Variants in KCNC2 observed in about 807,000 individuals in gnomAD.
KCNC2 encodes the protein potassium voltage-gated channel subfamily C member 2.
A neutral mutation model predicts 44.5 loss-of-function variants in KCNC2; 21 were observed. The ratio of observed to expected loss-of-function variants is 0.47; its 90% CI spans 0.33 to 0.68. KCNC2 has a LOEUF of 0.68. KCNC2 is among the 30% of genes least tolerant of loss of function. The probability of loss-of-function intolerance (pLI) is 0.01; values close to 1 mark genes in which losing one functional copy is unlikely to be tolerated. For missense variants in KCNC2, 589 were observed against 826.2 expected (o/e 0.71, Z 3.52); for synonymous variants, 391 against 339.1 (o/e 1.15, Z -1.68).
chr12:75,079,379 A>G (rs890758506), intron 2 of KCNC2, among the ~76,000 whole-genome samples: 3 of 152,138 alleles, frequency 2.0e-5, no homozygotes, highest in African/African-American at 7.2e-5. Context: ...TTTCAATTTC[A>G]ACAGAAAAAA....
intron 2 of KCNC2, among the ~76,000 whole-genome samples, chr12:75,074,879 T>C (rs1213240840): frequency 6.6e-6 from 1 of 152,150 alleles, no homozygotes; most frequent in Non-Finnish European, 1.5e-5. Flanking sequence ...AATGTGCCTA[T>C]GAAAACACAG....
intron 2 of KCNC2, among the ~76,000 whole-genome samples, chr12:75,185,078 G>T (rs1210828064): frequency 6.6e-6 from 1 of 152,276 alleles, no homozygotes; most frequent in East Asian, 1.9e-4. Flanking sequence ...TACCTGAAAT[G>T]ATTTCAGATA....
intron 2 of KCNC2, among the ~76,000 whole-genome samples, chr12:75,107,013 A>G (rs945703226): frequency 1.3e-5 from 2 of 151,974 alleles, no homozygotes; most frequent in Admixed American, 6.6e-5. Context: ...GTCAAAAGTA[A>G]TATCATGGGG....
rs1339013307 is a variant in KCNC2, at chr12:75,207,426, C to A, written c.558G>T (p.Ala186=). Residue 186 remains alanine (A), a synonymous_variant, in exon 2 of 5, where the codon GCG becomes GCT. Transcript: ENST00000549446. The surrounding 1 kb of genome is among the most constrained non-coding windows in gnomAD (Gnocchi z 4.1). ...GGDPGDDEDL[A]AKRLGIEDAA... ...CGTCCTCGATGCCCAGCCTCTTGGCCGCCAGGTCCTCGTCGTCGCCGGGGT... is the reference window on the plus strand; with the variant it reads ...CGTCCTCGATGCCCAGCCTCTTGGCAGCCAGGTCCTCGTCGTCGCCGGGGT... The A allele has an allele frequency of 1.2e-6, 2 of 1,605,788 alleles. No individual in the cohort carries two copies. Among genetic ancestry groups the A allele is most frequent in the East Asian group, 2.2e-5 (1 of 44,496 alleles).
intron 2 of KCNC2, among the ~76,000 whole-genome samples, chr12:75,066,910 C>T (rs539930725): frequency 1.3e-5 from 2 of 152,106 alleles, no homozygotes; most frequent in Non-Finnish European, 2.9e-5. Flanking sequence ...TTGGGGATAA[C>T]AAAAAAGCTT....
chr12:75,159,116 C>T (rs747890920), intron 2 of KCNC2, among the ~76,000 whole-genome samples: 22 of 34,606 alleles, frequency 6.4e-4, no homozygotes, highest in Non-Finnish European at 8.5e-4. Context: ...CAGGGCCTGT[C>T]GGAGGGTGGG....
chr12:75,112,571 C>G (rs531913414), intron 2 of KCNC2, among the ~76,000 whole-genome samples: 1 of 151,952 alleles, frequency 6.6e-6, no homozygotes, highest in African/African-American at 2.4e-5. Context: ...CCAGTATTTC[C>G]TTTCTTAACT....
intron 2 of KCNC2, among the ~76,000 whole-genome samples, chr12:75,072,826 G>T (rs370905401): frequency 6.6e-6 from 1 of 152,026 alleles, no homozygotes; most frequent in East Asian, 1.9e-4. Flanking sequence ...AAAGGCCTTC[G>T]ATCTGACATG....
chr12:75,096,968 C>T (rs954897903), intron 2 of KCNC2, among the ~76,000 whole-genome samples: 5 of 151,942 alleles, frequency 3.3e-5, no homozygotes. Context: ...TATGAAACTC[C>T]ATTGATAATT....
At chr12:75,183,644 C>T (rs1565673018) in intron 2 of KCNC2, among the ~76,000 whole-genome samples, 1 of 152,098 alleles carries the variant, frequency 6.6e-6, no homozygotes. Flanking sequence ...CATTATGACT[C>T]GTTTCAAGTC....
intron 2 of KCNC2, among the ~76,000 whole-genome samples, chr12:75,201,184 T>C (rs2031214515): frequency 7.0e-6 from 1 of 142,718 alleles, no homozygotes; most frequent in African/African-American, 2.6e-5. Flanking sequence ...GGAGCTAACC[T>C]GTTTCTATGG....
At chr12:75,137,512 A>T (rs1889315668) in intron 2 of KCNC2, among the ~76,000 whole-genome samples, 1 of 152,228 alleles carries the variant, frequency 6.6e-6, no homozygotes, top group South Asian at 2.1e-4. Context: ...TTTAAAAAAC[A>T]AAATGGTTAA....
rs184051110 is a variant in KCNC2, at chr12:75,119,680, G to T, written c.688-68363C>A. On this transcript the variant is annotated intron_variant, in intron 2 of 4. Transcript: ENST00000549446. ...GTCCAGGGTAGACTGCATAGGCTTT[G>T]AGGTTGTTCTGTGCACCAACTCTGC... is the stretch of plus-strand genomic sequence containing the variant. 2.0e-5 allele frequency among the ~76,000 whole-genome samples: 3 copies of T among 152,246 alleles called. No homozygotes were observed. In the East Asian group the frequency reaches 5.8e-4, roughly 29 times the overall value.
intron 4 of KCNC2, 42 bp from the exon 5 acceptor site, chr12:75,043,283 G>C: frequency 6.2e-7 from 1 of 1,607,610 alleles, no homozygotes; most frequent in East Asian, 2.2e-5. Context: ...AATTCAACCA[G>C]AATATAGACA....
At chr12:75,129,855 A>T (rs1888704259) in intron 2 of KCNC2, among the ~76,000 whole-genome samples, 1 of 152,230 alleles carries the variant, frequency 6.6e-6, no homozygotes, top group African/African-American at 2.4e-5. Flanking sequence ...AATTTATGGC[A>T]GCATGGCAAT....
intron 2 of KCNC2, among the ~76,000 whole-genome samples, chr12:75,167,430 A>G (rs1891533297): frequency 6.6e-6 from 1 of 151,386 alleles, no homozygotes; most frequent in Admixed American, 6.6e-5. Context: ...CTTATGAATC[A>G]CAGTTTTCTC....
intron 2 of KCNC2, among the ~76,000 whole-genome samples, chr12:75,113,909 T>G (rs1887449276): frequency 6.6e-6 from 1 of 151,922 alleles, no homozygotes; most frequent in Admixed American, 6.6e-5. Context: ...AAAAAAAGAG[T>G]TTTGTCTTCA....
At chr12:75,137,896 T>C (rs1189100780) in intron 2 of KCNC2, among the ~76,000 whole-genome samples, 1 of 152,170 alleles carries the variant, frequency 6.6e-6, no homozygotes, top group Non-Finnish European at 1.5e-5. Context: ...TTCACATTAT[T>C]TTAATAGCTA....
At chr12:75,163,154 G>A (rs1891229139) in intron 2 of KCNC2, among the ~76,000 whole-genome samples, 1 of 151,714 alleles carries the variant, frequency 6.6e-6, no homozygotes, top group Non-Finnish European at 1.5e-5. Context: ...GGAGAGAGAG[G>A]GAGATTGGGA....
Sources: gnomAD v4.1 joint callset for allele counts (sites outside exome capture counted in the v4.1 genomes callset) on GRCh38, gnomAD v4.1.1 for gene constraint, Gnocchi (gnomAD v3.1) non-coding constraint, MANE v1.5 for transcripts, NCBI Gene and HGNC (gene_info 2026-07-23, HGNC 2026-07-21) for gene names.